MELK: variants seen among roughly 807,000 people sequenced by gnomAD.
MELK encodes pEg3 kinase.
A neutral mutation model predicts 85.0 loss-of-function variants in MELK; 81 were observed. The ratio of observed to expected loss-of-function variants is 0.95; its 90% CI spans 0.80 to 1.15. MELK has a LOEUF of 1.15. Ranked by LOEUF, MELK falls within the 50% of genes most tolerant of loss-of-function variation. The probability of loss-of-function intolerance (pLI) is 0.00; values close to 1 mark genes in which losing one functional copy is unlikely to be tolerated. For synonymous variants in MELK, 252 were observed against 265.0 expected (o/e 0.95, Z 0.48); for missense variants, 754 against 777.5 (o/e 0.97, Z 0.36).
intron 1 of MELK, among the ~76,000 whole-genome samples, chr9:36,580,103 A>G (rs946694661): frequency 1.4e-5 from 2 of 142,468 alleles, no homozygotes; most frequent in Non-Finnish European, 3.0e-5. Context: ...GCTGGAGTGC[A>G]GTGGCGTGAT....
chr9:36,602,525 A>C (rs1156759253), intron 7 of MELK, among the ~76,000 whole-genome samples: 1 of 143,690 alleles, frequency 7.0e-6, no homozygotes, highest in African/African-American at 2.6e-5. Context: ...CACATGCTGG[A>C]TACCTTTAAT....
At chr9:36,641,433 C>A (rs970963592) in intron 10 of MELK, among the ~76,000 whole-genome samples, 2 of 152,036 alleles carry the variant, frequency 1.3e-5, no homozygotes, top group South Asian at 2.1e-4. Context: ...AATTCCCAAG[C>A]CTGTTAGCCA....
At position 36,579,442 on chromosome 9, in the gene MELK, G is replaced by A. The variant is rs774329210; in HGVS notation, c.-38-2202G>A. On this transcript the variant is annotated intron_variant, in intron 1 of 17. Transcript: ENST00000298048. ...CTCCCAAAGTGCTGGGATTATAGGC[G>A]TGAGCCTCTGCACCCGGCCTATAAA... Among the ~76,000 whole-genome samples, 118 of 152,230 alleles carry A rather than the reference G, an allele frequency of 7.8e-4. 1 individual carries two copies. Among genetic ancestry groups the A allele is most frequent in the Non-Finnish European group, 2.1e-4 (14 of 68,036 alleles).
intron 12 of MELK, among the ~76,000 whole-genome samples, chr9:36,656,818 G>A (rs4593643): frequency 0.9 from 137,377 of 152,204 alleles, 62,049 homozygotes; most frequent in Admixed American, 0.92. Context: ...GGGTTTCACC[G>A]TGTTGCCCAG....
intron 14 of MELK, among the ~76,000 whole-genome samples, chr9:36,666,914 TGTGTGTGG>T (rs1832430863): frequency 7.0e-6 from 1 of 143,252 alleles, no homozygotes; most frequent in Non-Finnish European, 1.5e-5. Context: ...TGTGATGGTG[TGTGTGTGG>T]GGGGGTGCGG....
chr9:36,597,321 C>A lies in MELK; in HGVS notation c.474+31C>A, dbSNP rs779764187. On this transcript the variant is annotated intron_variant, in intron 6 of 17. Coordinates refer to ENST00000298048, the MANE Select transcript of MELK (RefSeq NM_014791.4). ...TGCAGAAATAAGATGCATCTATGTTCTTTGTAAATGCATTTATTTCTTAGT... is the reference window on the plus strand; with the variant it reads ...TGCAGAAATAAGATGCATCTATGTTATTTGTAAATGCATTTATTTCTTAGT... 2.6e-6 allele frequency: 4 copies of A among 1,555,796 alleles called. No individual in the cohort carries two copies. The South Asian group carries it at 4.5e-5, about 18-fold the overall frequency.
chr9:36,645,721 G>A (rs1051876716), intron 11 of MELK, among the ~76,000 whole-genome samples: 1 of 152,140 alleles, frequency 6.6e-6, no homozygotes, highest in African/African-American at 2.4e-5. Flanking sequence ...TTGGTCTAGG[G>A]TATAGCCGAG....
intron 4 of MELK, among the ~76,000 whole-genome samples, chr9:36,590,561 G>C (rs928552697): frequency 1.3e-5 from 2 of 152,108 alleles, no homozygotes; most frequent in African/African-American, 4.8e-5. Context: ...CAAGGTTTAG[G>C]CTTACCCTGA....
intron 1 of MELK, among the ~76,000 whole-genome samples, chr9:36,577,932 T>C (rs1026735824): frequency 1.3e-5 from 2 of 152,004 alleles, no homozygotes; most frequent in Admixed American, 1.3e-4. Flanking sequence ...GGATTACAAG[T>C]GTGAGCCACT....
Position 36,665,591 on chromosome 9 carries a change from A to G in MELK, c.1408+10A>G. 2 of 1,586,528 alleles carry G rather than the reference A, an allele frequency of 1.3e-6. No homozygotes were observed. Among genetic ancestry groups the G allele is most frequent in the Non-Finnish European group, 1.7e-6 (2 of 1,159,328 alleles). ...ACTACACCCTCAAAAGGTATTTGCT[A>G]AGTGAATTAAGCAGTAAGAAGTTTC... On this transcript the variant is annotated intron_variant, in intron 14 of 17. Transcript: ENST00000298048.
chr9:36,588,393 T>G (rs113211431), intron 3 of MELK, among the ~76,000 whole-genome samples: 2 of 143,208 alleles, frequency 1.4e-5, no homozygotes, highest in African/African-American at 5.5e-5. Flanking sequence ...TTTTTTTTTT[T>G]TTTGAGACGG....
chr9:36,675,023 C>T (rs144666426), intron 17 of MELK, 86 bp downstream of exon 17: 59 of 894,466 alleles, frequency 6.6e-5, no homozygotes, highest in East Asian at 5.2e-4. Flanking sequence ...CGGTGGCTCA[C>T]GCCTGTAATC....
At chr9:36,599,806 T>C (rs1824723324) in intron 7 of MELK, among the ~76,000 whole-genome samples, 1 of 152,202 alleles carries the variant, frequency 6.6e-6, no homozygotes, top group Admixed American at 6.5e-5. Flanking sequence ...CCAGGCTCAG[T>C]TTCAGAGATG....
intron 14 of MELK, among the ~76,000 whole-genome samples, chr9:36,666,970 T>G (rs908874835): frequency 6.6e-6 from 1 of 150,568 alleles, no homozygotes; most frequent in African/African-American, 2.4e-5. Flanking sequence ...TTCAGTGAGA[T>G]AGCCTCTACC....
chr9:36,624,083 CT>C lies in MELK; in HGVS notation c.667-6198del, dbSNP rs774510229. On this transcript the variant is annotated intron_variant, in intron 8 of 17. Transcript: ENST00000298048. ...TGCAGTAGGTATCGTTATTATACTT[CT>C]TTTTTTTTTTTTTTTTTGAGATGGA... Among the ~76,000 whole-genome samples the C allele has an allele frequency of 2.9e-3, 384 of 132,906 alleles. 1 individual carries two copies. Among genetic ancestry groups the C allele is most frequent in the East Asian group, 1.0e-2 (47 of 4,706 alleles). The allele number at this position is 132,906 out of a possible 152,430, so 87.2% of individuals were successfully genotyped here.
intron 1 of MELK, among the ~76,000 whole-genome samples, chr9:36,576,873 T>C (rs541582352): frequency 2.0e-5 from 3 of 152,290 alleles, no homozygotes; most frequent in South Asian, 2.1e-4. Context: ...TCTCTCCAAG[T>C]AAAATGATTC....
chr9:36,657,803 G>A (rs577035271), intron 13 of MELK, among the ~76,000 whole-genome samples: 193 of 152,174 alleles, frequency 1.3e-3, no homozygotes, highest in African/African-American at 4.0e-3. Flanking sequence ...AGCTGGTCTC[G>A]AACTCCTGAC....
intron 10 of MELK, among the ~76,000 whole-genome samples, chr9:36,641,653 C>T (rs1362506355): frequency 6.8e-6 from 1 of 147,900 alleles, no homozygotes; most frequent in Non-Finnish European, 1.5e-5. Flanking sequence ...TGTTGCCCAG[C>T]CTGGAGTGCA....
intron 4 of MELK, among the ~76,000 whole-genome samples, chr9:36,591,084 CCT>C (rs972073089): frequency 1.3e-5 from 2 of 150,736 alleles, no homozygotes; most frequent in African/African-American, 2.4e-5. Flanking sequence ...AGAACAAACC[CCT>C]GTCTCTAAAA....
Sources: gnomAD v4.1 joint callset for allele counts (sites outside exome capture counted in the v4.1 genomes callset) on GRCh38, gnomAD v4.1.1 for gene constraint, MANE v1.5 for transcripts, NCBI Gene and HGNC (gene_info 2026-07-23, HGNC 2026-07-21) for gene names.